CELF2: variants seen among roughly 807,000 people sequenced by gnomAD.
CELF2 encodes the protein CUG triplet repeat RNA-binding protein 2.
In CELF2, 8 loss-of-function variants were observed where a neutral mutation model predicts 62.6. That is an observed-to-expected ratio of 0.13 (90% CI 0.07 to 0.23). CELF2 has a LOEUF of 0.23. CELF2 is among the 10% of genes least tolerant of loss of function. CELF2 has a pLI of 1.00. For synonymous variants in CELF2, 258 were observed against 250.0 expected (o/e 1.03, Z -0.30); for missense variants, 333 against 671.0 (o/e 0.50, Z 5.56).
rs1254710272 is a variant in CELF2, at chr10:11,321,670, G to A, written c.1294+284G>A. 2.6e-5 allele frequency among the ~76,000 whole-genome samples: 4 copies of A among 152,104 alleles called. No homozygotes were observed. Among genetic ancestry groups the A allele is most frequent in the Non-Finnish European group, 5.9e-5 (4 of 68,008 alleles). On this transcript the variant is annotated intron_variant, in intron 11 of 12. Transcript: ENST00000633077. This position sits in a 1 kb window ranked among gnomAD's most constrained non-coding sequence, Gnocchi z 6.2. Reference sequence around the variant, plus strand: ...TGTGACTAGCCACTGCACTCCATTCGGGGAACACAGACATACCCCTCTCTC... The same window carrying A: ...TGTGACTAGCCACTGCACTCCATTCAGGGAACACAGACATACCCCTCTCTC...
chr10:10,663,792 A>G, the CELF2 span, among the ~76,000 whole-genome samples: 2 of 152,224 alleles, frequency 1.3e-5, no homozygotes, highest in Non-Finnish European at 2.9e-5. Context: ...CAGAAATATT[A>G]TTACATTTCT....
chr10:10,481,773 G>A, the CELF2 span, among the ~76,000 whole-genome samples: 2 of 152,038 alleles, frequency 1.3e-5, no homozygotes, highest in Non-Finnish European at 1.5e-5. Context: ...GTAAATTGTC[G>A]ACTCAATTCT....
At chr10:10,908,214 A>ACTTTTTTTTT in intron 1 of CELF2, among the ~76,000 whole-genome samples, 1 of 83,738 alleles carries the variant, frequency 1.2e-5, no homozygotes, top group Admixed American at 2.0e-4. Flanking sequence ...GTATGAGGGG[A>ACTTTTTTTTT]TTTTTTTTTT....
In CELF2 at chr10:11,140,142, C is replaced by T. The variant is rs189886802; in HGVS notation, c.75-25344C>T. Among the ~76,000 whole-genome samples, 1,179 of 150,120 alleles carry T rather than the reference C, an allele frequency of 7.9e-3. 14 individuals are homozygous for T. Among genetic ancestry groups the T allele is most frequent in the African/African-American group, 0.027 (1,111 of 41,212 alleles). On this transcript the variant is annotated intron_variant, in intron 1 of 12. Transcript: ENST00000633077. ...AAGTACCTAACCGTAACTAAATTTG[C>T]CTTAAAAGAAATCTGGTTGGTATAT...
At chr10:10,716,761 A>G in the CELF2 span, among the ~76,000 whole-genome samples, 1 of 152,174 alleles carries the variant, frequency 6.6e-6, no homozygotes, top group Non-Finnish European at 1.5e-5. Context: ...TGGCAACCAA[A>G]CTTTCCACCA....
intron 2 of CELF2, among the ~76,000 whole-genome samples, chr10:11,202,871 C>G (rs2059525546): frequency 6.8e-6 from 1 of 147,010 alleles, no homozygotes; most frequent in African/African-American, 2.5e-5. Flanking sequence ...GAGTGGTCTA[C>G]CACATGCCTG....
chr10:11,077,181 A>G (rs992771135), intron 1 of CELF2, among the ~76,000 whole-genome samples: 25 of 152,334 alleles, frequency 1.6e-4, no homozygotes, highest in African/African-American at 5.3e-4. Context: ...ATCATTATAA[A>G]TACCAGATTT....
At chr10:11,087,536 C>T (rs1291807) in intron 1 of CELF2, among the ~76,000 whole-genome samples, 1 of 152,184 alleles carries the variant, frequency 6.6e-6, no homozygotes, top group Non-Finnish European at 1.5e-5. Context: ...GCACTGTTAT[C>T]GCACAGCAGC....
chr10:11,198,352 C>T (rs1035176044), intron 2 of CELF2, among the ~76,000 whole-genome samples: 2 of 152,194 alleles, frequency 1.3e-5, no homozygotes, highest in African/African-American at 4.8e-5. Flanking sequence ...TTGTTATCTT[C>T]TGAAGGGAAA....
intron 9 of CELF2, 91 bp downstream of exon 9, chr10:11,288,643 C>G: frequency 1.4e-6 from 2 of 1,449,472 alleles, no homozygotes; most frequent in Non-Finnish European, 1.9e-6. Context: ...TGAGGCTAGA[C>G]GTGTCCAGGA....
the CELF2 span, among the ~76,000 whole-genome samples, chr10:10,520,100 T>G: frequency 6.6e-6 from 1 of 152,186 alleles, no homozygotes; most frequent in African/African-American, 2.4e-5. Context: ...GATAGTAGAC[T>G]ACCATGGAAG....
At chr10:11,289,951 T>C (rs1012441367) in intron 9 of CELF2, among the ~76,000 whole-genome samples, 6 of 152,230 alleles carry the variant, frequency 3.9e-5, no homozygotes, top group African/African-American at 1.2e-4. Flanking sequence ...ATGTATTTTC[T>C]TAAGAGGGAT....
the CELF2 span, among the ~76,000 whole-genome samples, chr10:10,736,380 CTTTCTTTCTTTCTTTCT>C: frequency 2.1e-5 from 2 of 94,924 alleles, no homozygotes. Context: ...TTCTTTCTTT[CTTTCTTTCTTTCTTTCT>C]TTTTTTTTTT....
Position 11,318,256 on chromosome 10 carries a change from A to T in CELF2, c.1097-2933A>T, listed in dbSNP as rs2095185765. On this transcript the variant is annotated intron_variant, in intron 10 of 12. Coordinates refer to ENST00000633077, the MANE Select transcript of CELF2 (RefSeq NM_001326342.2). This position sits in a 1 kb window ranked among gnomAD's most constrained non-coding sequence, Gnocchi z 5.4. ...ACCACCCTCCCAGATTTTCCACGAT[A>T]GTTGTGGTTTAAAATATTCTCAGTG... 6.5e-6 allele frequency: 1 copy of T among 154,824 alleles called. No individual in the cohort carries two copies. The highest frequency in any genetic ancestry group is 1.4e-5 in the Non-Finnish European group (1 of 70,016). The allele number at this position is 154,824 out of a possible 1,614,324, so 9.6% of individuals were successfully genotyped here. A position where few individuals can be genotyped will look rare whatever the true frequency, so the allele number is the denominator to read the frequency against.
intron 1 of CELF2, among the ~76,000 whole-genome samples, chr10:10,819,156 C>T (rs1326195059): frequency 2.6e-5 from 4 of 152,114 alleles, no homozygotes; most frequent in Non-Finnish European, 5.9e-5. Flanking sequence ...TTCAGTATAC[C>T]TCTCAAGGTG....
At chr10:10,638,781 T>G in the CELF2 span, among the ~76,000 whole-genome samples, 1 of 152,190 alleles carries the variant, frequency 6.6e-6, no homozygotes, top group Non-Finnish European at 1.5e-5. Flanking sequence ...TTAGACCAAA[T>G]GTATTCACCA....
At position 11,191,787 on chromosome 10, in the gene CELF2, A is replaced by G. The variant is rs1432142709; in HGVS notation, c.272-25638A>G. Among the ~76,000 whole-genome samples the G allele has an allele frequency of 6.6e-6, 1 of 152,216 alleles. No homozygotes were observed. The highest frequency in any genetic ancestry group is 2.4e-5 in the African/African-American group (1 of 41,458). ...AGATTTCTGAACAAAACGATGATCC[A>G]AAATCTGAGTGTGGAGAAACGGATC... On this transcript the variant is annotated intron_variant, in intron 2 of 12. Transcript: ENST00000633077. The surrounding 1 kb of genome is among the most constrained non-coding windows in gnomAD (Gnocchi z 4.1).
chr10:11,235,428 A>C (rs565796115), intron 3 of CELF2, among the ~76,000 whole-genome samples: 1 of 152,208 alleles, frequency 6.6e-6, no homozygotes, highest in Admixed American at 6.5e-5. Context: ...TTCTCTTTAA[A>C]AGATTGAACT....
intron 1 of CELF2, among the ~76,000 whole-genome samples, chr10:11,125,884 G>C (rs1215796147): frequency 7.2e-6 from 1 of 138,250 alleles, no homozygotes; most frequent in African/African-American, 2.6e-5. Flanking sequence ...TCTAAATTTT[G>C]TGTTATTAAA....
Sources: allele counts gnomAD v4.1 joint callset (sites outside exome capture counted in the v4.1 genomes callset), GRCh38; gene constraint gnomAD v4.1.1; non-coding constraint Gnocchi (gnomAD v3.1); transcripts MANE v1.5; gene names NCBI Gene and HGNC (gene_info 2026-07-23, HGNC 2026-07-21).